The following TDRD12 variants were observed in gnomAD, a reference collection of about 807,000 sequenced individuals.
TDRD12 encodes the protein putative ATP-dependent RNA helicase TDRD12.
A neutral mutation model predicts 133.5 loss-of-function variants in TDRD12; 158 were observed. The observed-to-expected ratio is 1.18, with a 90% CI of 1.04 to 1.35. The LOEUF (loss-of-function observed/expected upper bound fraction) is 1.35, where lower values mean the gene tolerates loss of function less well. Among genes scored for constraint, TDRD12 ranks in the 40% most tolerant of loss-of-function variants. TDRD12 has a pLI of 0.00. For missense variants in TDRD12, 1,443 were observed against 1,321.3 expected, an observed-to-expected ratio of 1.09 and a Z score of -1.43; for synonymous variants, 460 against 477.9, an observed-to-expected ratio of 0.96 and a Z score of 0.49.
chr19:32,733,059 G>A (rs1032064597), intron 2 of TDRD12, among the ~76,000 whole-genome samples: 1 of 152,196 alleles, frequency 6.6e-6, no homozygotes, highest in Non-Finnish European at 1.5e-5. Context: ...TGTGGCCCCA[G>A]CTACTCTGGA....
exon 10 of TDRD12, chr19:32,828,021 G>A (rs1967648325): frequency 1.3e-5 from 2 of 152,192 alleles, no homozygotes; most frequent in Non-Finnish European, 2.9e-5. Context: ...TACACACTTA[G>A]ACTCAGCAAC....
chr19:32,817,989 T>C, intron 26 of TDRD12, 100 bp from the exon 27 acceptor site: 1 of 682,144 alleles, frequency 1.5e-6, no homozygotes, highest in Non-Finnish European at 2.6e-6. Flanking sequence ...AAAAAAGTGT[T>C]TTTACCCATG....
At chr19:32,720,225 C>G in intron 1 of TDRD12, 129 bp downstream of exon 1, 1 of 1,003,522 alleles carries the variant, frequency 1.0e-6, no homozygotes. Flanking sequence ...CCCGCACAGC[C>G]TCCCACCCCC....
At chr19:32,796,105 T>C (rs995044398) in intron 14 of TDRD12, 87 of 976,164 alleles carry the variant, frequency 8.9e-5, no homozygotes, top group Non-Finnish European at 9.9e-5. Context: ...CATGGCCCTG[T>C]GCTGCTGGTT....
intron 4 of TDRD12, among the ~76,000 whole-genome samples, chr19:32,744,515 A>C (rs549986655): frequency 1.1e-4 from 17 of 150,786 alleles, no homozygotes; most frequent in African/African-American, 3.4e-4. Flanking sequence ...AAAAAAAAAA[A>C]AAAAAAAAAC....
chr19:32,762,478 A>G (rs1455166333), intron 8 of TDRD12, among the ~76,000 whole-genome samples: 1 of 152,162 alleles, frequency 6.6e-6, no homozygotes, highest in Non-Finnish European at 1.5e-5. Context: ...ATTGTTTTGA[A>G]AGGAAGCTCA....
intron 2 of TDRD12, among the ~76,000 whole-genome samples, chr19:32,737,931 G>A (rs751470261): frequency 7.9e-5 from 12 of 152,100 alleles, no homozygotes; most frequent in Admixed American, 2.6e-4. Flanking sequence ...TCAGGAGTTC[G>A]AGGCCATCCT....
chr19:32,788,112 CT>C (rs1008052862), intron 11 of TDRD12, among the ~76,000 whole-genome samples: 12 of 149,220 alleles, frequency 8.0e-5, no homozygotes, highest in Admixed American at 2.7e-4. Context: ...TTTTGCTTTA[CT>C]TTTTTTTTTC....
chr19:32,809,435 G>A (rs576323850), intron 22 of TDRD12, among the ~76,000 whole-genome samples: 3 of 152,220 alleles, frequency 2.0e-5, no homozygotes, highest in East Asian at 1.9e-4. Flanking sequence ...TGTGGGTGTC[G>A]CCAGCCCGGT....
At chr19:32,744,361 G>A (rs1046333048) in intron 4 of TDRD12, among the ~76,000 whole-genome samples, 4 of 151,738 alleles carry the variant, frequency 2.6e-5, no homozygotes, top group Non-Finnish European at 4.4e-5. Flanking sequence ...TTAGCCAGGC[G>A]CAGTGGTACG....
Position 32,731,868 on chromosome 19 carries a change from AT to A in TDRD12, c.170del (p.Leu57TrpfsTer14). 1 of 1,546,562 alleles carries A rather than the reference AT, an allele frequency of 6.5e-7. No individual in the cohort carries two copies. The highest frequency in any genetic ancestry group is 8.7e-7 in the Non-Finnish European group (1 of 1,145,688). ...AAGATATAGAAATAAAACCCTTAAC[AT>A]TGGAAGAAGGACAGGTATGTATCTA... On this transcript the variant is annotated frameshift_variant, in exon 2 of 28. Coordinates refer to ENST00000444215, the Ensembl canonical transcript of TDRD12. LOFTEE classifies it high-confidence loss of function.
intron 13 of TDRD12, among the ~76,000 whole-genome samples, chr19:32,791,278 GTGAT>G (rs1042086402): frequency 2.6e-5 from 4 of 152,166 alleles, no homozygotes; most frequent in African/African-American, 9.7e-5. Flanking sequence ...AAGTGAGTGA[GTGAT>G]TGTTTTGTGA....
chr19:32,787,485 G>A (rs1280033353), intron 11 of TDRD12, among the ~76,000 whole-genome samples: 4 of 152,226 alleles, frequency 2.6e-5, no homozygotes, highest in Non-Finnish European at 5.9e-5. Flanking sequence ...TAAGTCTGGA[G>A]AAGCTGTCTG....
At chr19:32,822,810 G>A (rs1210019031), downstream of TDRD12, among the ~76,000 whole-genome samples, 1 of 152,142 alleles carries the variant, frequency 6.6e-6, no homozygotes, top group Non-Finnish European at 1.5e-5. Context: ...CAGTGAGGGA[G>A]AAGGAAAGGA....
intron 22 of TDRD12, among the ~76,000 whole-genome samples, chr19:32,808,852 G>T (rs981454191): frequency 6.6e-6 from 1 of 152,130 alleles, no homozygotes; most frequent in African/African-American, 2.4e-5. Flanking sequence ...GAAGGTTATA[G>T]TTTTGATCTG....
At chr19:32,767,844 G>T (rs147374009) in intron 8 of TDRD12, among the ~76,000 whole-genome samples, 1,652 of 152,164 alleles carry the variant, frequency 0.011, 38 homozygotes, top group African/African-American at 0.038. Context: ...AAAAATCAGG[G>T]GTTCTGTTAC....
chr19:32,762,107 CT>C (rs1970168246), intron 8 of TDRD12, among the ~76,000 whole-genome samples: 1 of 152,080 alleles, frequency 6.6e-6, no homozygotes, highest in African/African-American at 2.4e-5. Flanking sequence ...TACATGTGTC[CT>C]TTGCAAACAT....
chr19:32,740,673 G>C (rs77328518), intron 3 of TDRD12, among the ~76,000 whole-genome samples: 293 of 152,264 alleles, frequency 1.9e-3, no homozygotes, highest in African/African-American at 6.7e-3. Flanking sequence ...AGGGAGGCTT[G>C]GCTGCAAGAA....
At chr19:32,751,746 T>A (rs7249281) in intron 6 of TDRD12, among the ~76,000 whole-genome samples, 88,908 of 152,002 alleles carry the variant, frequency 0.58, 26,843 homozygotes, top group East Asian at 0.82. Flanking sequence ...TGCCCATGAG[T>A]TGCGATCTCA....
Sources: gnomAD v4.1 joint callset for allele counts (sites outside exome capture counted in the v4.1 genomes callset) on GRCh38, gnomAD v4.1.1 for gene constraint, MANE v1.5 for transcripts, NCBI Gene and HGNC (gene_info 2026-07-23, HGNC 2026-07-21) for gene names.